Variants in AFF3 observed in about 807,000 individuals in gnomAD.
AFF3 encodes the protein ALF transcription elongation factor 3, also known as AF4/FMR2 family member 3.
A neutral mutation model predicts 129.7 loss-of-function variants in AFF3; 32 were observed. The observed-to-expected ratio is 0.25, with a 90% CI of 0.19 to 0.33. The LOEUF (loss-of-function observed/expected upper bound fraction) is 0.33. AFF3 is among the 10% of genes least tolerant of loss of function. AFF3 has a pLI of 1.00. For synonymous variants in AFF3, 644 were observed against 635.4 expected (o/e 1.01, Z -0.20); for missense variants, 1,373 against 1,592.0 (o/e 0.86, Z 2.34).
At chr2:99,579,123 C>T (rs140607601) in intron 17 of AFF3, among the ~76,000 whole-genome samples, 5 of 152,230 alleles carry the variant, frequency 3.3e-5, no homozygotes, top group East Asian at 1.9e-4. Context: ...AAAAATAAAT[C>T]GACTGGGCAC....
intron 4 of AFF3, among the ~76,000 whole-genome samples, chr2:100,070,173 T>C (rs771186484): frequency 4.0e-5 from 6 of 151,508 alleles, no homozygotes; most frequent in Non-Finnish European, 5.9e-5. Context: ...GTATTCCTAG[T>C]TGCAAGTTAT....
chr2:99,594,430 A>G, intron 14 of AFF3, 141 bp from the exon 15 acceptor site: 1 of 1,292,662 alleles, frequency 7.7e-7, no homozygotes, highest in African/African-American at 1.5e-5. Flanking sequence ...GGAAAATGGA[A>G]GCATTAAGCG....
At chr2:100,001,708 TA>T (rs1411554430) in intron 7 of AFF3, among the ~76,000 whole-genome samples, 1 of 89,864 alleles carries the variant, frequency 1.1e-5, no homozygotes, top group African/African-American at 9.9e-5. Context: ...TTACAGGCGT[TA>T]AGCCACTGCG....
intron 7 of AFF3, among the ~76,000 whole-genome samples, chr2:99,899,681 C>A (rs2106135301): frequency 6.6e-6 from 1 of 152,328 alleles, no homozygotes. Flanking sequence ...TTAATAGTAG[C>A]TACCGACATA....
At chr2:99,762,167 C>G (rs1682671146) in intron 8 of AFF3, among the ~76,000 whole-genome samples, 1 of 151,354 alleles carries the variant, frequency 6.6e-6, no homozygotes. Flanking sequence ...CTCTGTCACC[C>G]AGGCTAGAAT....
At chr2:99,719,459 G>C (rs1029085035) in intron 11 of AFF3, among the ~76,000 whole-genome samples, 1 of 152,128 alleles carries the variant, frequency 6.6e-6, no homozygotes, top group Non-Finnish European at 1.5e-5. Context: ...TATCAGGGTT[G>C]TACTGACCTT....
chr2:100,002,231 C>A (rs916936482), intron 7 of AFF3, among the ~76,000 whole-genome samples: 5 of 152,226 alleles, frequency 3.3e-5, no homozygotes, highest in Non-Finnish European at 7.3e-5. Context: ...TTTACAGATG[C>A]CTTTTTTGCC....
chr2:99,878,051 T>C (rs1692427379), intron 7 of AFF3, among the ~76,000 whole-genome samples: 2 of 152,188 alleles, frequency 1.3e-5, no homozygotes, highest in African/African-American at 4.8e-5. Flanking sequence ...TTAGTAATCA[T>C]TAAATGTTGC....
At chr2:99,707,535 T>C in intron 11 of AFF3, 1 of 984,760 alleles carries the variant, frequency 1.0e-6, no homozygotes. Flanking sequence ...GTAGCCTTCT[T>C]TGATATTGAA....
chr2:99,719,895 G>A (rs1325436357), intron 11 of AFF3, among the ~76,000 whole-genome samples: 6 of 152,084 alleles, frequency 3.9e-5, no homozygotes, highest in African/African-American at 1.4e-4. Flanking sequence ...AAATTAGCCG[G>A]GCATGGTGGC....
intron 7 of AFF3, among the ~76,000 whole-genome samples, chr2:99,933,209 C>T (rs1674206103): frequency 6.6e-6 from 1 of 151,980 alleles, no homozygotes; most frequent in Non-Finnish European, 1.5e-5. Flanking sequence ...CTCTTTCAGA[C>T]AAACACAACA....
At chr2:99,984,635 A>G (rs910011952) in intron 7 of AFF3, among the ~76,000 whole-genome samples, 1 of 152,200 alleles carries the variant, frequency 6.6e-6, no homozygotes, top group Non-Finnish European at 1.5e-5. Flanking sequence ...AAGACAAAAT[A>G]GTGTATTAAT....
intron 11 of AFF3, among the ~76,000 whole-genome samples, chr2:99,678,117 G>C (rs751449437): frequency 5.3e-5 from 8 of 152,158 alleles, no homozygotes; most frequent in Non-Finnish European, 1.0e-4. Flanking sequence ...GTCATTTTAC[G>C]TATTTTTAAA....
At chr2:99,588,317 C>T (rs1441312521) in intron 15 of AFF3, among the ~76,000 whole-genome samples, 4 of 152,072 alleles carry the variant, frequency 2.6e-5, no homozygotes, top group Non-Finnish European at 5.9e-5. Flanking sequence ...GCTGGGAATG[C>T]AAGTGTGTGC....
chr2:99,861,210 T>C (rs1442687426), intron 7 of AFF3, among the ~76,000 whole-genome samples: 1 of 152,228 alleles, frequency 6.6e-6, no homozygotes, highest in South Asian at 2.1e-4. Context: ...AGCTCCAAAA[T>C]TGATGTTGCC....
At chr2:99,629,844 T>C (rs1041321734) in intron 13 of AFF3, among the ~76,000 whole-genome samples, 2 of 152,178 alleles carry the variant, frequency 1.3e-5, no homozygotes, top group Non-Finnish European at 2.9e-5. Flanking sequence ...TCTGATCCCA[T>C]GATGGGATCC....
At chr2:99,935,139 T>C (rs959927989) in intron 7 of AFF3, among the ~76,000 whole-genome samples, 2 of 152,160 alleles carry the variant, frequency 1.3e-5, no homozygotes, top group Non-Finnish European at 2.9e-5. Context: ...GGATGGCAAA[T>C]GTCTACTGCC....
At chr2:100,015,584 CTT>C (rs1682947409) in intron 4 of AFF3, among the ~76,000 whole-genome samples, 1 of 152,170 alleles carries the variant, frequency 6.6e-6, no homozygotes, top group East Asian at 1.9e-4. Context: ...ATTAACATCT[CTT>C]GTTATTTATA....
At chr2:100,009,118 G>T (rs553514597) in intron 4 of AFF3, among the ~76,000 whole-genome samples, 186 bp from the exon 5 acceptor site, 5 of 152,120 alleles carry the variant, frequency 3.3e-5, no homozygotes, top group African/African-American at 7.2e-5. Context: ...ACATTCTTTG[G>T]GGGGAAAAGA....
Sources: gnomAD v4.1 joint callset for allele counts (sites outside exome capture counted in the v4.1 genomes callset) on GRCh38, gnomAD v4.1.1 for gene constraint, MANE v1.5 for transcripts, NCBI Gene and HGNC (gene_info 2026-07-23, HGNC 2026-07-21) for gene names.